GALNT13: variants seen among roughly 807,000 people sequenced by gnomAD.
The protein encoded by GALNT13 is polypeptide N-acetylgalactosaminyltransferase 13.
GALNT13 carries 28 observed loss-of-function variants against 64.2 expected under a neutral mutation model. The observed-to-expected ratio is 0.44, with a 90% CI of 0.32 to 0.60. The LOEUF (loss-of-function observed/expected upper bound fraction) is 0.60. Among genes scored for constraint, GALNT13 ranks in the 20% least tolerant of loss-of-function variants. The pLI is 0.05. For synonymous variants in GALNT13, 214 were observed against 224.6 expected (o/e 0.95, Z 0.42); for missense variants, 577 against 669.8 (o/e 0.86, Z 1.53).
At chr2:153,560,466 T>A in the GALNT13 span, among the ~76,000 whole-genome samples, 1 of 152,050 alleles carries the variant, frequency 6.6e-6, no homozygotes, top group East Asian at 1.9e-4. Flanking sequence ...AGAATTTTAA[T>A]TTTTTATACT....
chr2:154,089,268 C>T (rs1295206480), intron 3 of GALNT13, among the ~76,000 whole-genome samples: 1 of 152,002 alleles, frequency 6.6e-6, no homozygotes, highest in East Asian at 1.9e-4. Context: ...TGGTCTACTT[C>T]TCTCAGAGTG....
chr2:153,295,150 T>TG, the GALNT13 span, among the ~76,000 whole-genome samples: 8 of 152,128 alleles, frequency 5.3e-5, no homozygotes, highest in African/African-American at 1.7e-4. Flanking sequence ...TTTCAGAGGA[T>TG]GGAAAAGTGG....
At chr2:153,309,999 A>G in the GALNT13 span, among the ~76,000 whole-genome samples, 5 of 152,170 alleles carry the variant, frequency 3.3e-5, no homozygotes, top group Non-Finnish European at 5.9e-5. Context: ...CTATACTCAT[A>G]AGCCCCTGAG....
intron 3 of GALNT13, among the ~76,000 whole-genome samples, chr2:154,101,247 C>T (rs538898343): frequency 1.3e-5 from 2 of 151,924 alleles, no homozygotes; most frequent in African/African-American, 2.4e-5. Flanking sequence ...AATGTTTCCT[C>T]CTCAATTTTT....
intron 3 of GALNT13, among the ~76,000 whole-genome samples, chr2:154,009,432 G>A (rs1306591373): frequency 3.5e-4 from 53 of 151,282 alleles, no homozygotes; most frequent in Admixed American, 3.5e-3. Context: ...AAAAAATTCT[G>A]TGAAGATTGT....
chr2:154,096,637 C>T (rs1015634862), intron 3 of GALNT13, among the ~76,000 whole-genome samples: 1 of 151,916 alleles, frequency 6.6e-6, no homozygotes, highest in Non-Finnish European at 1.5e-5. Context: ...TTATAAAATG[C>T]CATCCTTTCA....
At chr2:153,471,166 G>A in the GALNT13 span, among the ~76,000 whole-genome samples, 12 of 152,074 alleles carry the variant, frequency 7.9e-5, no homozygotes, top group South Asian at 2.5e-3. Flanking sequence ...TGTGGCTCAC[G>A]CAGATAGATC....
the GALNT13 span, among the ~76,000 whole-genome samples, chr2:153,444,110 A>G: frequency 6.6e-6 from 1 of 152,090 alleles, no homozygotes; most frequent in Non-Finnish European, 1.5e-5. Context: ...CCATCCATCT[A>G]CATATCTGTC....
intron 3 of GALNT13, among the ~76,000 whole-genome samples, chr2:154,018,264 T>TC (rs1485898787): frequency 1.3e-5 from 2 of 152,220 alleles, no homozygotes; most frequent in Admixed American, 1.3e-4. Context: ...CAGGGTTTAT[T>TC]CCGTCCTGTA....
At chr2:154,160,836 C>A (rs2105663620) in intron 4 of GALNT13, among the ~76,000 whole-genome samples, 1 of 152,276 alleles carries the variant, frequency 6.6e-6, no homozygotes, top group Middle Eastern at 3.4e-3. Flanking sequence ...TTGAACTGTT[C>A]TTCAAATTTC....
At chr2:154,234,391 C>G (rs1689083007) in intron 4 of GALNT13, among the ~76,000 whole-genome samples, 1 of 151,998 alleles carries the variant, frequency 6.6e-6, no homozygotes, top group Non-Finnish European at 1.5e-5. Context: ...CAGTTTTACT[C>G]TAATTTAGGT....
chr2:154,333,471 GAA>G, intron 9 of GALNT13, among the ~76,000 whole-genome samples: 1 of 152,052 alleles, frequency 6.6e-6, no homozygotes, highest in East Asian at 1.9e-4. Flanking sequence ...TTGAAAGTAG[GAA>G]ACTCAATTAC....
chr2:154,346,842 G>A (rs2105241336), intron 9 of GALNT13, among the ~76,000 whole-genome samples: 1 of 152,016 alleles, frequency 6.6e-6, no homozygotes, highest in Middle Eastern at 3.4e-3. Flanking sequence ...TTCTCTCCTA[G>A]ACCCTGGTCA....
chr2:153,609,088 T>TTTTG, the GALNT13 span, among the ~76,000 whole-genome samples: 26,925 of 150,492 alleles, frequency 0.18, 2,760 homozygotes, highest in African/African-American at 0.28. Flanking sequence ...AGCTAAGTTT[T>TTTTG]TTTGTTTGTT....
At chr2:153,405,495 C>T in the GALNT13 span, among the ~76,000 whole-genome samples, 17 of 152,190 alleles carry the variant, frequency 1.1e-4, no homozygotes, top group African/African-American at 4.1e-4. Context: ...AGAAGAAAGG[C>T]TCCACAGGTA....
chr2:154,110,757 TCAATC>T (rs2105489296), intron 3 of GALNT13, among the ~76,000 whole-genome samples: 1 of 152,114 alleles, frequency 6.6e-6, no homozygotes, highest in Non-Finnish European at 1.5e-5. Context: ...TTTGCATCCT[TCAATC>T]CAATCAAGTA....
intron 2 of GALNT13, among the ~76,000 whole-genome samples, chr2:153,943,998 A>G (rs776324273): frequency 6.6e-6 from 1 of 152,216 alleles, no homozygotes; most frequent in South Asian, 2.1e-4. Context: ...TTTAGCCACT[A>G]TAATATATTG....
intron 4 of GALNT13, among the ~76,000 whole-genome samples, chr2:154,209,944 C>T (rs982533151): frequency 2.6e-5 from 4 of 152,092 alleles, no homozygotes; most frequent in African/African-American, 9.7e-5. Flanking sequence ...ACAGATCTCA[C>T]AAAAACTATC....
At chr2:153,374,355 C>T in the GALNT13 span, among the ~76,000 whole-genome samples, 15 of 152,094 alleles carry the variant, frequency 9.9e-5, no homozygotes, top group Admixed American at 3.3e-4. Flanking sequence ...AGCATCTTTT[C>T]ATGTACTTAT....
Sources: allele counts gnomAD v4.1 joint callset (sites outside exome capture counted in the v4.1 genomes callset), GRCh38; gene constraint gnomAD v4.1.1; transcripts MANE v1.5; gene names NCBI Gene and HGNC (gene_info 2026-07-23, HGNC 2026-07-21).